ATF1: variants seen among roughly 807,000 people sequenced by gnomAD.
The protein encoded by ATF1 is cyclic AMP-dependent transcription factor ATF-1.
A neutral mutation model predicts 34.7 loss-of-function variants in ATF1; 16 were observed. That is an observed-to-expected ratio of 0.46 (90% CI 0.31 to 0.70). ATF1 has a LOEUF of 0.70. ATF1 is among the 30% of genes least tolerant of loss of function. The probability of loss-of-function intolerance (pLI) is 0.05; values close to 1 mark genes in which losing one functional copy is unlikely to be tolerated. For synonymous variants in ATF1, 105 were observed against 113.1 expected (o/e 0.93, Z 0.46); for missense variants, 255 against 321.6 (o/e 0.79, Z 1.58).
At chr12:50,789,806 C>T (rs1272968743) in intron 2 of ATF1, among the ~76,000 whole-genome samples, 2 of 151,998 alleles carry the variant, frequency 1.3e-5, no homozygotes, top group Non-Finnish European at 2.9e-5. Flanking sequence ...CCCTTTCCTC[C>T]TTTGAAAGGT....
chr12:50,813,863 T>A, intron 4 of ATF1, 147 bp from the exon 5 acceptor site: 4 of 695,628 alleles, frequency 5.8e-6, no homozygotes, highest in Non-Finnish European at 9.3e-6. Context: ...TTACATGTAG[T>A]TCACCTAAAG....
chr12:50,775,875 G>A (rs1459637991), intron 1 of ATF1, among the ~76,000 whole-genome samples: 1 of 152,102 alleles, frequency 6.6e-6, no homozygotes, highest in Non-Finnish European at 1.5e-5. Flanking sequence ...TAGTCTGTGG[G>A]ATTACCTTGT....
chr12:50,796,529 C>T (rs947578517), intron 3 of ATF1, among the ~76,000 whole-genome samples: 8 of 151,996 alleles, frequency 5.3e-5, no homozygotes, highest in East Asian at 3.9e-4. Flanking sequence ...GGTGAAACCC[C>T]GTCTCTAATA....
rs1289810154 is a variant in ATF1, at chr12:50,820,324, T to C, written c.*545T>C. The stretch of plus-strand genomic sequence containing the variant: ...CTTTTTAAGTGGGTTTTTAAAAGTT[T>C]GTTATTGGACTTGAATGGATTTTTG... On this transcript the variant is annotated 3_prime_UTR_variant, in exon 7 of 7. Coordinates refer to ENST00000262053, the MANE Select transcript of ATF1 (RefSeq NM_005171.5). 1 of 190,322 alleles carries C rather than the reference T, an allele frequency of 5.3e-6. No individual in the cohort carries two copies. Among genetic ancestry groups the C allele is most frequent in the Non-Finnish European group, 1.1e-5 (1 of 90,538 alleles). 11.8% of individuals were successfully genotyped at this position (190,322 alleles called of 1,614,324 possible).
intron 6 of ATF1, among the ~76,000 whole-genome samples, chr12:50,819,338 C>A (rs1357362480): frequency 6.6e-6 from 1 of 152,122 alleles, no homozygotes; most frequent in Non-Finnish European, 1.5e-5. Context: ...AAAAACTAAT[C>A]TCTGGTGATA....
At chr12:50,783,760 C>T (rs141694048) in intron 2 of ATF1, among the ~76,000 whole-genome samples, 24 of 151,140 alleles carry the variant, frequency 1.6e-4, no homozygotes, top group African/African-American at 5.6e-4. Flanking sequence ...CCCAGCTACT[C>T]GGGAGGCTGG....
At position 50,776,203 on chromosome 12, in the gene ATF1, T is replaced by TC. The variant is rs367889835; in HGVS notation, c.-6-3936dup. ...GGCGGGCGCCTGTAGTCCCAGCTAC[T>TC]CAGGAGGCTGAGGCAGGAGGGAGAA... On this transcript the variant is annotated intron_variant, in intron 1 of 6. Transcript: ENST00000262053. Among the ~76,000 whole-genome samples the TC allele has an allele frequency of 3.2e-3, 483 of 151,036 alleles. 2 individuals are homozygous for TC. Among genetic ancestry groups the TC allele is most frequent in the African/African-American group, 0.011 (451 of 41,182 alleles).
intron 2 of ATF1, among the ~76,000 whole-genome samples, chr12:50,787,761 C>T (rs1213291920): frequency 6.6e-6 from 1 of 151,690 alleles, no homozygotes; most frequent in African/African-American, 2.4e-5. Context: ...AATGGTGACA[C>T]AGGTGAAGTA....
Position 50,820,174 on chromosome 12 carries a change from ATG to A in ATF1, c.*411_*412del, listed in dbSNP as rs34967117. On this transcript the variant is annotated 3_prime_UTR_variant, in exon 7 of 7. Transcript: ENST00000262053. ...AATTTACCTTTTTTTAGTTATATAT[ATG>A]TGTGTGTGTGTGTGTAATTTCTGCC... The A allele has an allele frequency of 2.1e-3, 444 of 211,098 alleles. No individual in the cohort carries two copies. The highest frequency in any genetic ancestry group is 6.2e-3 in the East Asian group (82 of 13,196). The allele number at this position is 211,098 out of a possible 1,614,324, so 13.1% of individuals were successfully genotyped here. A position where few individuals can be genotyped will look rare whatever the true frequency, so the allele number is the denominator to read the frequency against.
intron 3 of ATF1, among the ~76,000 whole-genome samples, chr12:50,796,845 C>A (rs1941418305): frequency 6.6e-6 from 1 of 152,024 alleles, no homozygotes; most frequent in South Asian, 2.1e-4. Context: ...CGACATTGAC[C>A]TTGGCAATGA....
chr12:50,795,867 C>G (rs777949302), intron 2 of ATF1, 42 bp from the exon 3 acceptor site: 1 of 1,461,658 alleles, frequency 6.8e-7, no homozygotes, highest in Non-Finnish European at 9.5e-7. Context: ...GTTTCTTTTC[C>G]CACCTGCATT....
intron 1 of ATF1, among the ~76,000 whole-genome samples, chr12:50,779,065 G>A (rs941985545): frequency 1.3e-5 from 2 of 152,176 alleles, no homozygotes; most frequent in Non-Finnish European, 2.9e-5. Flanking sequence ...TATGCTCAAG[G>A]TTCATCCATG....
At chr12:50,789,725 A>T (rs1181034018) in intron 2 of ATF1, among the ~76,000 whole-genome samples, 1 of 152,090 alleles carries the variant, frequency 6.6e-6, no homozygotes, top group African/African-American at 2.4e-5. Context: ...ACTGCACTCC[A>T]GCCTGGTTGA....
At chr12:50,765,732 C>T (rs949436494) in intron 1 of ATF1, among the ~76,000 whole-genome samples, 3 of 152,110 alleles carry the variant, frequency 2.0e-5, no homozygotes, top group Non-Finnish European at 4.4e-5. Context: ...GTAAAGAAGC[C>T]GGCCAAAACT....
chr12:50,814,315 A>ACTACACC lies in ATF1; in HGVS notation c.548_554dup (p.Ser186TyrfsTer25). ...AGATATGCAAACATATCAGATCCGA[A>ACTACACC]CTACACCTTCAGCTACTTCTCTGCC... On this transcript the variant is annotated frameshift_variant, in exon 6 of 7. Transcript: ENST00000262053. LOFTEE classifies it high-confidence loss of function. 2 of 1,614,136 alleles carry ACTACACC rather than the reference A, an allele frequency of 1.2e-6. No individual in the cohort carries two copies. The highest frequency in any genetic ancestry group is 8.5e-7 in the Non-Finnish European group (1 of 1,180,006).
intron 1 of ATF1, among the ~76,000 whole-genome samples, chr12:50,767,694 T>C (rs1940673239): frequency 6.6e-6 from 1 of 152,128 alleles, no homozygotes; most frequent in African/African-American, 2.4e-5. Flanking sequence ...GGTGGTACTT[T>C]CTTTTGGTCC....
intron 1 of ATF1, among the ~76,000 whole-genome samples, chr12:50,779,061 C>A (rs1404732189): frequency 2.0e-5 from 3 of 152,200 alleles, no homozygotes; most frequent in Non-Finnish European, 1.5e-5. Flanking sequence ...ACAATATGCT[C>A]AAGGTTCATC....
intron 6 of ATF1, among the ~76,000 whole-genome samples, chr12:50,816,346 G>T (rs1384064717): frequency 6.6e-6 from 1 of 151,572 alleles, no homozygotes; most frequent in Non-Finnish European, 1.5e-5. Flanking sequence ...GGAAAAATAG[G>T]TAACAGAGAC....
upstream of ATF1, among the ~76,000 whole-genome samples, chr12:50,763,895 G>C (rs1229195799): frequency 6.6e-6 from 1 of 152,158 alleles, no homozygotes; most frequent in Non-Finnish European, 1.5e-5. Context: ...GCAGCCTGAG[G>C]AACGCGTTCC....
Sources: gnomAD v4.1 joint callset for allele counts (sites outside exome capture counted in the v4.1 genomes callset) on GRCh38, gnomAD v4.1.1 for gene constraint, MANE v1.5 for transcripts, NCBI Gene and HGNC (gene_info 2026-07-23, HGNC 2026-07-21) for gene names.